SPMIP2: variants seen among roughly 807,000 people sequenced by gnomAD.
SPMIP2 encodes protein SPMIP2.
the SPMIP2 span, among the ~76,000 whole-genome samples, chr4:159,049,403 C>T: frequency 1.3e-5 from 2 of 152,082 alleles, no homozygotes; most frequent in East Asian, 1.9e-4. Context: ...GATCAAGATT[C>T]GCAAAGATTG....
At chr4:158,956,510 C>A in the SPMIP2 span, among the ~76,000 whole-genome samples, 12 of 152,172 alleles carry the variant, frequency 7.9e-5, no homozygotes, top group Non-Finnish European at 1.6e-4. Context: ...CTGCAGCGAG[C>A]GGAGATCGCG....
the SPMIP2 span, among the ~76,000 whole-genome samples, chr4:158,982,831 G>C: frequency 6.6e-6 from 1 of 152,116 alleles, no homozygotes; most frequent in Non-Finnish European, 1.5e-5. Flanking sequence ...GACAAGTTGA[G>C]AGAAGAAGGC....
At chr4:159,024,824 C>A in the SPMIP2 span, among the ~76,000 whole-genome samples, 8 of 152,138 alleles carry the variant, frequency 5.3e-5, no homozygotes, top group African/African-American at 1.4e-4. Context: ...TAATGATTAG[C>A]ATCACAAATA....
chr4:158,906,122 A>C, the SPMIP2 span: 1 of 152,192 alleles, frequency 6.6e-6, no homozygotes, highest in Non-Finnish European at 1.5e-5. Flanking sequence ...TGAAATGTTC[A>C]TTCTTTTTAA....
chr4:159,025,422 C>A, the SPMIP2 span, among the ~76,000 whole-genome samples: 1 of 152,174 alleles, frequency 6.6e-6, no homozygotes, highest in East Asian at 1.9e-4. Context: ...ACCTCGGCCT[C>A]CCAAACTGCT....
At chr4:159,030,815 T>G in the SPMIP2 span, among the ~76,000 whole-genome samples, 1 of 152,082 alleles carries the variant, frequency 6.6e-6, no homozygotes, top group South Asian at 2.1e-4. Flanking sequence ...ACTTTAAAAT[T>G]AAATTAGAAA....
At chr4:158,981,612 T>C in the SPMIP2 span, among the ~76,000 whole-genome samples, 3 of 152,080 alleles carry the variant, frequency 2.0e-5, no homozygotes, top group Non-Finnish European at 2.9e-5. Context: ...AACTAAGCTT[T>C]GTAAGTGAAG....
chr4:159,059,206 T>G, the SPMIP2 span, among the ~76,000 whole-genome samples: 5 of 150,382 alleles, frequency 3.3e-5, no homozygotes, highest in African/African-American at 1.2e-4. Context: ...CCCTGTGCCA[T>G]GGGACTCTAT....
At chr4:158,947,481 C>A in the SPMIP2 span, among the ~76,000 whole-genome samples, 1 of 152,166 alleles carries the variant, frequency 6.6e-6, no homozygotes, top group African/African-American at 2.4e-5. Context: ...GTGAATATTT[C>A]TTTGGCATGG....
At chr4:158,934,520 G>A in the SPMIP2 span, among the ~76,000 whole-genome samples, 1 of 152,046 alleles carries the variant, frequency 6.6e-6, no homozygotes, top group Non-Finnish European at 1.5e-5. Context: ...AGGGTTAAAT[G>A]AGTTAATACT....
the SPMIP2 span, among the ~76,000 whole-genome samples, chr4:158,951,636 A>G: frequency 6.6e-6 from 1 of 152,084 alleles, no homozygotes; most frequent in Non-Finnish European, 1.5e-5. Flanking sequence ...AAGTAGAACA[A>G]AGAGGACACA....
chr4:158,991,087 A>G, the SPMIP2 span, among the ~76,000 whole-genome samples: 48,723 of 151,998 alleles, frequency 0.32, 7,954 homozygotes, highest in South Asian at 0.36. Context: ...TAAAATTGGT[A>G]AAGTTGATTA....
At chr4:159,080,867 G>T in the SPMIP2 span, among the ~76,000 whole-genome samples, 1 of 151,834 alleles carries the variant, frequency 6.6e-6, no homozygotes, top group Non-Finnish European at 1.5e-5. Flanking sequence ...GGGACTACAG[G>T]CGCCCACCAC....
the SPMIP2 span, among the ~76,000 whole-genome samples, chr4:158,948,139 C>T: frequency 6.6e-6 from 1 of 152,140 alleles, no homozygotes; most frequent in Non-Finnish European, 1.5e-5. Context: ...TGAAAGTTCC[C>T]TAGGCTCCTG....
At chr4:158,945,363 C>A in the SPMIP2 span, among the ~76,000 whole-genome samples, 2 of 152,024 alleles carry the variant, frequency 1.3e-5, no homozygotes, top group Admixed American at 6.6e-5. Flanking sequence ...CCACTCTCCC[C>A]CTACACGAGG....
At chr4:159,042,238 C>T in the SPMIP2 span, among the ~76,000 whole-genome samples, 3,050 of 152,304 alleles carry the variant, frequency 0.02, 111 homozygotes, top group African/African-American at 0.07. Context: ...TCCTCTCCTC[C>T]GTCCACCAGC....
the SPMIP2 span, among the ~76,000 whole-genome samples, chr4:158,987,685 C>T: frequency 2.0e-5 from 3 of 152,036 alleles, no homozygotes; most frequent in South Asian, 2.1e-4. Flanking sequence ...TGCTAAATGA[C>T]GAGTTAATGG....
the SPMIP2 span, among the ~76,000 whole-genome samples, chr4:158,967,429 T>G: frequency 2.0e-5 from 3 of 152,204 alleles, no homozygotes; most frequent in Non-Finnish European, 4.4e-5. Flanking sequence ...ATTATTTTTA[T>G]GTTAAACCAC....
At chr4:158,968,174 C>T in the SPMIP2 span, among the ~76,000 whole-genome samples, 1,082 of 152,208 alleles carry the variant, frequency 7.1e-3, 1 homozygote, top group Non-Finnish European at 0.012. Context: ...CAATTACAGG[C>T]GCCCATCACC....
Sources: allele counts gnomAD v4.1 joint callset (sites outside exome capture counted in the v4.1 genomes callset), GRCh38; gene constraint gnomAD v4.1.1; transcripts MANE v1.5; gene names NCBI Gene and HGNC (gene_info 2026-07-23, HGNC 2026-07-21).